Variants in LRP2 observed in about 807,000 individuals in gnomAD.
LRP2 encodes low-density lipoprotein receptor-related protein 2.
In LRP2, 172 loss-of-function variants were observed where a neutral mutation model predicts 531.0. The observed-to-expected ratio is 0.32, with a 90% CI of 0.29 to 0.37. The LOEUF (loss-of-function observed/expected upper bound fraction) is 0.37. Among genes scored for constraint, LRP2 ranks in the 10% least tolerant of loss-of-function variants. The pLI is 1.00. For synonymous variants in LRP2, 1,992 were observed against 2,027.6 expected (o/e 0.98, Z 0.47); for missense variants, 5,167 against 5,868.3 (o/e 0.88, Z 3.90).
chr2:169,145,976 C>T, intron 69 of LRP2, 53 bp from the exon 70 acceptor site: 1 of 1,500,914 alleles, frequency 6.7e-7, no homozygotes, highest in Non-Finnish European at 9.3e-7. Context: ...AAGAAAATAC[C>T]CACTACACCC....
intron 56 of LRP2, among the ~76,000 whole-genome samples, chr2:169,173,627 C>T (rs1687080463): frequency 6.6e-6 from 1 of 152,126 alleles, no homozygotes; most frequent in Non-Finnish European, 1.5e-5. Context: ...CTCTGTGGCT[C>T]AAGTGAGAAA....
chr2:169,272,972 A>G lies in LRP2; in HGVS notation c.2071T>C (p.Cys691Arg), dbSNP rs1476859880. Residue 691 changes from cysteine (C) to arginine (R), a missense_variant, in exon 15 of 79, where the codon TGC (cysteine) becomes CGC (arginine). Physicochemically the swap from Cys to Arg is radical, Grantham distance 180. This residue lies in a region of LRP2 where 2,811 missense variants were observed against 3,058.0 expected (regional missense o/e 0.92). Transcript: ENST00000649046. ...GTATCCAGTTGGAAGCCGAATGTGC[A>G]CTTGCAACGGAAACCCAAACCATCA... ...DNDGLGFRCK[C>R]TFGFQLDTDE... The G allele has an allele frequency of 6.2e-7, 1 of 1,613,662 alleles. No individual in the cohort carries two copies. The highest frequency in any genetic ancestry group is 8.5e-7 in the Non-Finnish European group (1 of 1,179,792).
chr2:169,152,681 A>C, intron 67 of LRP2, 118 bp downstream of exon 67: 1 of 1,144,276 alleles, frequency 8.7e-7, no homozygotes, highest in Non-Finnish European at 1.3e-6. Flanking sequence ...GCCCAGCTGC[A>C]CCCATGGCTG....
At chr2:169,298,572 C>T (rs1029076682) in intron 4 of LRP2, among the ~76,000 whole-genome samples, 1 of 151,770 alleles carries the variant, frequency 6.6e-6, no homozygotes, top group African/African-American at 2.4e-5. Flanking sequence ...ATAGAAAATT[C>T]TTAAAAGAGA....
chr2:169,328,911 C>G (rs1377072153), intron 1 of LRP2, among the ~76,000 whole-genome samples: 2 of 152,226 alleles, frequency 1.3e-5, no homozygotes, highest in African/African-American at 4.8e-5. Flanking sequence ...CATTACCTTA[C>G]ATATCCTCAC....
chr2:169,271,738 C>A (rs918989000), intron 15 of LRP2: 112 of 897,658 alleles, frequency 1.2e-4, no homozygotes, highest in Admixed American at 1.5e-4. Flanking sequence ...TAACAATCCT[C>A]AAGTTGGTTT....
At chr2:169,158,936 T>G (rs1686466009) in intron 63 of LRP2, among the ~76,000 whole-genome samples, 1 of 152,122 alleles carries the variant, frequency 6.6e-6, no homozygotes, top group African/African-American at 2.4e-5. Context: ...AAGACAGACT[T>G]TTAACAGCTC....
intron 77 of LRP2, among the ~76,000 whole-genome samples, chr2:169,129,572 A>G (rs1489387597): frequency 6.6e-6 from 1 of 152,198 alleles, no homozygotes; most frequent in Non-Finnish European, 1.5e-5. Flanking sequence ...CAATAATAAT[A>G]ACAAAAACAT....
intron 43 of LRP2, among the ~76,000 whole-genome samples, 188 bp from the exon 44 acceptor site, chr2:169,202,058 A>G (rs1406282597): frequency 6.6e-6 from 1 of 152,244 alleles, no homozygotes; most frequent in Non-Finnish European, 1.5e-5. Context: ...TATGTTGTAT[A>G]CATTTTTAAA....
chr2:169,237,641 T>C (rs558935432), intron 27 of LRP2, among the ~76,000 whole-genome samples: 2 of 152,322 alleles, frequency 1.3e-5, no homozygotes, highest in Admixed American at 6.5e-5. Context: ...AATATCTCTA[T>C]TAATTAAGGA....
chr2:169,158,410 A>G (rs1490117474), intron 63 of LRP2, among the ~76,000 whole-genome samples: 3 of 152,130 alleles, frequency 2.0e-5, no homozygotes, highest in Non-Finnish European at 4.4e-5. Context: ...ATGTTATAGT[A>G]TAAAAAAACT....
chr2:169,271,210 A>T, intron 15 of LRP2, 103 bp from the exon 16 acceptor site: 2 of 718,704 alleles, frequency 2.8e-6, no homozygotes, highest in Non-Finnish European at 4.7e-6. Context: ...AAATTATAAA[A>T]TATAATTCTG....
chr2:169,298,206 ATC>A (rs1684183791), intron 4 of LRP2, among the ~76,000 whole-genome samples: 1 of 151,552 alleles, frequency 6.6e-6, no homozygotes, highest in Non-Finnish European at 1.5e-5. Flanking sequence ...CATCATCATC[ATC>A]ATCATCATCA....
intron 64 of LRP2, among the ~76,000 whole-genome samples, chr2:169,156,987 G>C: frequency 6.6e-6 from 1 of 152,278 alleles, no homozygotes; most frequent in Middle Eastern, 3.4e-3. Flanking sequence ...TATGTCTGGC[G>C]TAAGTAGGTG....
intron 46 of LRP2, among the ~76,000 whole-genome samples, chr2:169,195,075 C>T (rs913167605): frequency 6.6e-6 from 1 of 152,142 alleles, no homozygotes; most frequent in Non-Finnish European, 1.5e-5. Flanking sequence ...ACATCTAGAC[C>T]ATAAGGATCT....
chr2:169,128,543 G>T lies in LRP2; in HGVS notation c.*120C>A. The T allele has an allele frequency of 1.0e-6, 1 of 999,068 alleles. No individual in the cohort carries two copies. Among genetic ancestry groups the T allele is most frequent in the Non-Finnish European group, 1.5e-6 (1 of 648,206 alleles). 61.9% of individuals were successfully genotyped at this position (999,068 alleles called of 1,614,324 possible). On this transcript the variant is annotated 3_prime_UTR_variant, in exon 79 of 79. Transcript: ENST00000649046. ...GACACACAGGATACCTCCAACTATAGGCAAACAGGGAAAAATATATTTTTT... is the reference window on the plus strand; with the variant it reads ...GACACACAGGATACCTCCAACTATATGCAAACAGGGAAAAATATATTTTTT...
intron 70 of LRP2, among the ~76,000 whole-genome samples, 164 bp downstream of exon 70, chr2:169,145,582 TA>T (rs953784079): frequency 6.6e-6 from 1 of 152,216 alleles, no homozygotes; most frequent in Non-Finnish European, 1.5e-5. Flanking sequence ...TGAAAATGGT[TA>T]AAACGTTCCT....
At chr2:169,291,252 T>A (rs190381634) in intron 7 of LRP2, among the ~76,000 whole-genome samples, 154 of 152,320 alleles carry the variant, frequency 1.0e-3, no homozygotes, top group Middle Eastern at 6.8e-3. Context: ...AAGAAGCAGA[T>A]ATGGGCCTCA....
chr2:169,337,771 T>C (rs1468692574), intron 1 of LRP2, among the ~76,000 whole-genome samples: 1 of 152,194 alleles, frequency 6.6e-6, no homozygotes, highest in Non-Finnish European at 1.5e-5. Context: ...TCTACATATA[T>C]GCACACAAGA....
Sources: gnomAD v4.1 joint callset for allele counts (sites outside exome capture counted in the v4.1 genomes callset) on GRCh38, gnomAD v4.1.1 for gene constraint, gnomAD v4.1.1 regional missense constraint, MANE v1.5 for transcripts, NCBI Gene and HGNC (gene_info 2026-07-23, HGNC 2026-07-21) for gene names.